CALN1: variants seen among roughly 807,000 people sequenced by gnomAD.
CALN1 encodes the protein calneuron 1.
A neutral mutation model predicts 30.6 loss-of-function variants in CALN1; 17 were observed. The ratio of observed to expected loss-of-function variants is 0.56; its 90% CI spans 0.38 to 0.83. CALN1 has a LOEUF of 0.83. Among genes scored for constraint, CALN1 ranks in the 40% least tolerant of loss-of-function variants. The pLI is 0.00. For missense variants in CALN1, 291 were observed against 354.9 expected, an observed-to-expected ratio of 0.82 and a Z score of 1.45; for synonymous variants, 156 against 131.4, an observed-to-expected ratio of 1.19 and a Z score of -1.28.
Position 72,135,604 on chromosome 7 carries a change from T to C in CALN1, c.245-29310A>G, listed in dbSNP as rs569773237. ...TTCAATAAACCATGCTATAAACAGATGTGCTGTCATCCAGGCTTTGTTGTT... is the reference window on the plus strand; with the variant it reads ...TTCAATAAACCATGCTATAAACAGACGTGCTGTCATCCAGGCTTTGTTGTT... On this transcript the variant is annotated intron_variant, in intron 3 of 6. Coordinates refer to ENST00000395275, the MANE Select transcript of CALN1 (RefSeq NM_031468.4). Among the ~76,000 whole-genome samples the C allele has an allele frequency of 1.8e-4, 27 of 152,322 alleles. No homozygotes were observed. The South Asian group carries it at 5.2e-3, about 29-fold the overall frequency.
intron 2 of CALN1, among the ~76,000 whole-genome samples, chr7:72,282,812 G>C (rs961549034): frequency 3.9e-5 from 6 of 152,154 alleles, no homozygotes; most frequent in African/African-American, 1.4e-4. Context: ...CCAGAACTTT[G>C]AGAGGTTAAG....
At chr7:72,437,350 G>C (rs1160333684) in intron 1 of CALN1, among the ~76,000 whole-genome samples, 1 of 152,168 alleles carries the variant, frequency 6.6e-6, no homozygotes, top group Non-Finnish European at 1.5e-5. Context: ...TGGGACTGAT[G>C]GCTGAAATAA....
intron 3 of CALN1, among the ~76,000 whole-genome samples, chr7:72,184,707 G>C (rs997092009): frequency 6.6e-6 from 1 of 152,100 alleles, no homozygotes; most frequent in African/African-American, 2.4e-5. Context: ...ATTTATTTCA[G>C]AGCTCCAAAG....
chr7:72,171,023 G>A (rs184026925), intron 3 of CALN1, among the ~76,000 whole-genome samples: 9 of 152,194 alleles, frequency 5.9e-5, no homozygotes, highest in African/African-American at 1.4e-4. Flanking sequence ...TGGGCATGGC[G>A]GTGTATGCCT....
intron 3 of CALN1, among the ~76,000 whole-genome samples, chr7:72,251,363 C>A (rs756596828): frequency 2.0e-5 from 3 of 152,100 alleles, no homozygotes; most frequent in Non-Finnish European, 2.9e-5. Context: ...TGAGCAGTTA[C>A]ACCGGGACAT....
Position 72,277,970 on chromosome 7 carries a change from G to GTAA in CALN1, c.244+713_244+715dup, listed in dbSNP as rs1656071344. 2.3e-5 allele frequency among the ~76,000 whole-genome samples: 3 copies of GTAA among 129,732 alleles called. No individual in the cohort carries two copies. The East Asian group carries it at 7.1e-4, about 31-fold the overall frequency. 85.1% of individuals were successfully genotyped at this position (129,732 alleles called of 152,430 possible). A position where few individuals can be genotyped will look rare whatever the true frequency, so the allele number is the denominator to read the frequency against. On this transcript the variant is annotated intron_variant, in intron 3 of 6. Transcript: ENST00000395275. ...TGACCTCAGCCGATGTAGTACCTAG[G>GTAA]TAAAAACATCAGGCCAAATCAACCT... is the stretch of plus-strand genomic sequence containing the variant.
intron 3 of CALN1, among the ~76,000 whole-genome samples, chr7:72,267,033 T>C (rs1387226997): frequency 6.6e-6 from 1 of 152,176 alleles, no homozygotes; most frequent in Non-Finnish European, 1.5e-5. Context: ...GGCTCATTCA[T>C]TGCGTAGGTT....
At chr7:72,312,394 GA>G (rs768174448) in intron 2 of CALN1, among the ~76,000 whole-genome samples, 3,679 of 71,814 alleles carry the variant, frequency 0.051, 53 homozygotes, top group Middle Eastern at 0.073. Flanking sequence ...CTTCATCTCA[GA>G]AAAAAAAAAA....
chr7:72,240,231 G>A (rs963273901), intron 3 of CALN1, among the ~76,000 whole-genome samples: 3 of 145,626 alleles, frequency 2.1e-5, no homozygotes, highest in Non-Finnish European at 3.0e-5. Flanking sequence ...GTCTTGCTTT[G>A]TAGCCCAAGC....
At chr7:72,288,748 T>TC (rs1022312848) in intron 2 of CALN1, among the ~76,000 whole-genome samples, 13 of 152,054 alleles carry the variant, frequency 8.5e-5, no homozygotes, top group Non-Finnish European at 1.9e-4. Flanking sequence ...TTTTCATCTT[T>TC]ATGTATTGGA....
chr7:72,092,096 T>C (rs1172694235), intron 4 of CALN1, among the ~76,000 whole-genome samples: 3 of 152,208 alleles, frequency 2.0e-5, no homozygotes, highest in Non-Finnish European at 4.4e-5. Context: ...ATCTAGTTTA[T>C]TTTAGTGGTA....
intron 3 of CALN1, among the ~76,000 whole-genome samples, chr7:72,217,546 C>T (rs1454175595): frequency 6.6e-6 from 1 of 152,098 alleles, no homozygotes; most frequent in Non-Finnish European, 1.5e-5. Context: ...TAAGTCGTGC[C>T]AGATGAAGAA....
chr7:72,181,108 CCCAA>C (rs774247519), intron 3 of CALN1, among the ~76,000 whole-genome samples: 38 of 112,554 alleles, frequency 3.4e-4, no homozygotes, highest in South Asian at 2.2e-3. Context: ...CCCCCCCCCC[CCCAA>C]AAAAAAAAAA....
chr7:72,328,636 T>C (rs1329894233), intron 2 of CALN1, among the ~76,000 whole-genome samples: 3 of 152,256 alleles, frequency 2.0e-5, no homozygotes, highest in Non-Finnish European at 4.4e-5. Flanking sequence ...TAGGGGAAAG[T>C]GTTTTGTAGA....
intron 4 of CALN1, among the ~76,000 whole-genome samples, chr7:72,089,639 T>G (rs1805720050): frequency 6.6e-6 from 1 of 151,996 alleles, no homozygotes; most frequent in Non-Finnish European, 1.5e-5. Flanking sequence ...CCACTGCGCA[T>G]AAAGATAAAT....
At chr7:71,945,173 C>T (rs923752336) in intron 5 of CALN1, among the ~76,000 whole-genome samples, 5 of 150,348 alleles carry the variant, frequency 3.3e-5, no homozygotes, top group Non-Finnish European at 7.3e-5. Context: ...CCTGCTCCCC[C>T]TTCCCTTCCA....
At chr7:72,192,099 C>G (rs973727745) in intron 3 of CALN1, among the ~76,000 whole-genome samples, 8 of 152,284 alleles carry the variant, frequency 5.3e-5, no homozygotes, top group Non-Finnish European at 8.8e-5. Flanking sequence ...TGCATCTTCT[C>G]TTTCCTCTGA....
chr7:72,092,503 C>T (rs1327562157), intron 4 of CALN1, among the ~76,000 whole-genome samples: 1 of 151,818 alleles, frequency 6.6e-6, no homozygotes, highest in Non-Finnish European at 1.5e-5. Flanking sequence ...TTGCTTTATC[C>T]ACTTGATCAA....
chr7:72,396,248 A>G (rs796655638), intron 2 of CALN1, among the ~76,000 whole-genome samples: 6 of 67,556 alleles, frequency 8.9e-5, no homozygotes, highest in African/African-American at 3.2e-4. Context: ...AAAAAAAAAA[A>G]AAAAAAAAAG....
Sources: gnomAD v4.1 joint callset for allele counts (sites outside exome capture counted in the v4.1 genomes callset) on GRCh38, gnomAD v4.1.1 for gene constraint, MANE v1.5 for transcripts, NCBI Gene and HGNC (gene_info 2026-07-23, HGNC 2026-07-21) for gene names.